Variants in TRIM5 observed in about 807,000 individuals in gnomAD.
The protein encoded by TRIM5 is tripartite motif containing 5, also known as tripartite motif-containing protein 5.
A neutral mutation model predicts 35.6 loss-of-function variants in TRIM5; 31 were observed. That is an observed-to-expected ratio of 0.87 (90% CI 0.65 to 1.18). The LOEUF is 1.18. Among genes scored for constraint, TRIM5 ranks in the 50% most tolerant of loss-of-function variants. The pLI is 0.00. For synonymous variants in TRIM5, 243 were observed against 215.6 expected, an observed-to-expected ratio of 1.13 and a Z score of -1.11; for missense variants, 609 against 591.6, an observed-to-expected ratio of 1.03 and a Z score of -0.31.
the TRIM5 span, chr11:5,603,752 G>C: frequency 2.5e-6 from 4 of 1,610,374 alleles, no homozygotes; most frequent in South Asian, 4.4e-5. Flanking sequence ...CCCCAGGATG[G>C]AATGGGAGAC....
the TRIM5 span, chr11:5,610,070 G>C: frequency 6.8e-7 from 1 of 1,481,350 alleles, no homozygotes; most frequent in Non-Finnish European, 9.4e-7. Flanking sequence ...CAGTAGGCTT[G>C]GGAGGTAAGG....
At chr11:5,609,561 G>T in the TRIM5 span, among the ~76,000 whole-genome samples, 7 of 151,960 alleles carry the variant, frequency 4.6e-5, no homozygotes, top group Admixed American at 4.6e-4. Flanking sequence ...ACATCTCTAG[G>T]ACACAGAAAA....
chr11:5,606,978 CGG>C, the TRIM5 span, among the ~76,000 whole-genome samples: 1 of 151,960 alleles, frequency 6.6e-6, no homozygotes, highest in Non-Finnish European at 1.5e-5. Flanking sequence ...CCGAGGCAGG[CGG>C]ATCATGAGGT....
Position 5,667,451 on chromosome 11 carries a change from G to A in TRIM5, c.767+238C>T, listed in dbSNP as rs58269758. Among the ~76,000 whole-genome samples the A allele has an allele frequency of 4.8e-3, 733 of 152,078 alleles. 3 individuals carry two copies. Among genetic ancestry groups the A allele is most frequent in the African/African-American group, 0.017 (707 of 41,490 alleles). ...CTCAAACTCCTGATCTTCCTGACTC[G>A]GCGTCCCAAAGTGCTGGGATTATAG... is the stretch of plus-strand genomic sequence containing the variant. On this transcript the variant is annotated intron_variant, in intron 5 of 7. Transcript: ENST00000380034.
intron 4 of TRIM5, among the ~76,000 whole-genome samples, chr11:5,668,606 T>C (rs1181238106): frequency 6.6e-6 from 1 of 151,804 alleles, no homozygotes; most frequent in Non-Finnish European, 1.5e-5. Flanking sequence ...CCCACCATAA[T>C]GCCCGGCTAT....
the TRIM5 span, among the ~76,000 whole-genome samples, chr11:5,602,325 C>T: frequency 6.6e-6 from 1 of 152,066 alleles, no homozygotes; most frequent in African/African-American, 2.4e-5. Context: ...CACCTGTAAT[C>T]CCAGCTACTC....
At chr11:5,626,528 G>T in the TRIM5 span, 1 of 152,164 alleles carries the variant, frequency 6.6e-6, no homozygotes, top group Non-Finnish European at 1.5e-5. Context: ...TTTTCCCACG[G>T]GCTTAAAAGG....
In TRIM5 at chr11:5,665,172, C is replaced by T. The variant is rs768521085; in HGVS notation, c.1119G>A (p.Leu373=). ...CAGGTTGGAAGCCAGCACATACCCC[C>T]AGGATCCAAGCAGTTTTCTTGGACA... is the stretch of plus-strand genomic sequence containing the variant. ...VDVSKKTAWI[L]GVCAGFQPDA... is the part of the protein sequence containing the mutation. Residue 373 remains leucine (L), a synonymous_variant, in exon 8 of 8, where the codon CTG becomes CTA. Coordinates refer to ENST00000380034, the MANE Select transcript of TRIM5 (RefSeq NM_033034.3). The T allele has an allele frequency of 1.4e-5, 23 of 1,613,960 alleles. No homozygotes were observed. The highest frequency in any genetic ancestry group is 1.9e-5 in the Non-Finnish European group (22 of 1,179,988).
chr11:5,645,881 ATAT>A, the TRIM5 span: 1 of 92,786 alleles, frequency 1.1e-5, no homozygotes, highest in Non-Finnish European at 1.9e-5. Context: ...AAAAAAAAAA[ATAT>A]ATATATATAT....
the TRIM5 span, among the ~76,000 whole-genome samples, chr11:5,654,750 C>A: frequency 9.2e-5 from 14 of 151,958 alleles, no homozygotes; most frequent in Middle Eastern, 3.4e-3. Context: ...AGGTAAGTAT[C>A]CAGATAAACT....
the TRIM5 span, among the ~76,000 whole-genome samples, chr11:5,634,168 T>C: frequency 1.3e-5 from 2 of 152,160 alleles, no homozygotes; most frequent in African/African-American, 4.8e-5. Context: ...CCAACGGGGC[T>C]CTACTACTTC....
the TRIM5 span, chr11:5,588,975 A>C: frequency 6.6e-6 from 1 of 151,820 alleles, no homozygotes; most frequent in Admixed American, 6.6e-5. Context: ...TAGTAGAGGC[A>C]GGGTTTCACC....
intron 1 of TRIM5, 35 bp from the exon 2 acceptor site, chr11:5,680,273 AAGAAAGGTAGAAAT>A: frequency 7.9e-7 from 1 of 1,269,500 alleles, no homozygotes; most frequent in Non-Finnish European, 1.1e-6. Flanking sequence ...GGGACCAAGT[AAGAAAGGTAGAAAT>A]AGAAAGGATA....
In TRIM5 at chr11:5,664,927, G is replaced by A. The variant is rs1237312642; in HGVS notation, c.1364C>T (p.Thr455Ile). 2 of 1,613,952 alleles carry A rather than the reference G, an allele frequency of 1.2e-6. No homozygotes were observed. The highest frequency in any genetic ancestry group is 2.7e-5 in the African/African-American group (2 of 74,904). Residue 455 changes from threonine (T) to isoleucine (I), a missense_variant, in exon 8 of 8, where the codon ACA becomes ATA. Coordinates refer to ENST00000380034, the MANE Select transcript of TRIM5 (RefSeq NM_033034.3). ...CTTATAGATGAGAAATCCATGGTTT[G>A]TGATATTGAAGAATGAGACAGTGCA... is the stretch of plus-strand genomic sequence containing the variant. ...EACTVSFFNI[T>I]NHGFLIYKFS...
At chr11:5,605,235 TTGGCCCAGGAAAGCAGTCC>T in the TRIM5 span, 2 of 1,514,298 alleles carry the variant, frequency 1.3e-6, no homozygotes, top group Non-Finnish European at 1.8e-6. Context: ...CCTGGGAGGC[TTGGCCCAGGAAAGCAGTCC>T]TGAGCCCAAC....
intron 4 of TRIM5, among the ~76,000 whole-genome samples, chr11:5,677,210 A>C (rs1852055340): frequency 6.6e-6 from 1 of 152,088 alleles, no homozygotes; most frequent in South Asian, 2.1e-4. Flanking sequence ...CTCATCTGAC[A>C]AAGGGCTAAT....
chr11:5,650,982 G>A, the TRIM5 span, among the ~76,000 whole-genome samples: 3 of 152,144 alleles, frequency 2.0e-5, no homozygotes, highest in South Asian at 2.1e-4. Context: ...ATTTAGCAAC[G>A]CCTGTATCAA....
At chr11:5,642,623 A>G in the TRIM5 span, 28 of 1,420,502 alleles carry the variant, frequency 2.0e-5, no homozygotes, top group South Asian at 3.9e-4. Context: ...GTCAGAGAAT[A>G]AGGAATATTC....
chr11:5,665,180 A>G lies in TRIM5; in HGVS notation c.1111T>C (p.Trp371Arg), dbSNP rs138373549. ...WEVDVSKKTAWILGVCAGFQP... is the reference protein window; with the variant it reads ...WEVDVSKKTARILGVCAGFQP... ...AAGCCAGCACATACCCCCAGGATCC[A>G]AGCAGTTTTCTTGGACACGTCTACC... The change falls in exon 8 of 8, where the codon TGG becomes CGG. Residue 371 changes from tryptophan (W) to arginine (R), a missense_variant. By Grantham distance (101) the Trp-to-Arg change is moderately radical (BLOSUM62 -3). Coordinates refer to ENST00000380034, the MANE Select transcript of TRIM5 (RefSeq NM_033034.3). The G allele has an allele frequency of 1.2e-5, 19 of 1,613,976 alleles. No individual in the cohort carries two copies. Among genetic ancestry groups the G allele is most frequent in the Non-Finnish European group, 1.6e-5 (19 of 1,179,996 alleles).
Sources: gnomAD v4.1 joint callset for allele counts (sites outside exome capture counted in the v4.1 genomes callset) on GRCh38, gnomAD v4.1.1 for gene constraint, MANE v1.5 for transcripts, NCBI Gene and HGNC (gene_info 2026-07-23, HGNC 2026-07-21) for gene names.